Variants in GNA12 observed in about 807,000 individuals in gnomAD.
GNA12 encodes the protein guanine nucleotide-binding protein subunit alpha-12.
Under a neutral mutation model 26.0 loss-of-function variants are expected in GNA12, and 9 were observed. The observed-to-expected ratio is 0.35, with a 90% confidence interval of 0.21 to 0.60. The LOEUF is 0.60. GNA12 is among the 20% of genes least tolerant of loss of function. The probability of loss-of-function intolerance (pLI) is 0.78; values close to 1 mark genes in which losing one functional copy is unlikely to be tolerated. For missense variants in GNA12, 405 were observed against 525.8 expected, an observed-to-expected ratio of 0.77 and a Z score of 2.25; for synonymous variants, 264 against 219.6, an observed-to-expected ratio of 1.20 and a Z score of -1.79.
At chr7:2,834,841 G>C (rs912598677) in intron 1 of GNA12, among the ~76,000 whole-genome samples, 5 of 152,172 alleles carry the variant, frequency 3.3e-5, no homozygotes, top group Non-Finnish European at 7.3e-5. Flanking sequence ...TAGGTATACG[G>C]TCAGCTATAT....
intron 2 of GNA12, among the ~76,000 whole-genome samples, chr7:2,745,824 G>A (rs1161706550): frequency 6.6e-6 from 1 of 152,166 alleles, no homozygotes; most frequent in Non-Finnish European, 1.5e-5. Flanking sequence ...GATGCAGGAA[G>A]ATCTACCAAG....
intron 2 of GNA12, among the ~76,000 whole-genome samples, chr7:2,737,673 G>C (rs1378631832): frequency 6.6e-6 from 1 of 152,194 alleles, no homozygotes; most frequent in Non-Finnish European, 1.5e-5. Context: ...AACAGGGCTT[G>C]TTAATGGTGA....
chr7:2,807,067 GATCT>G (rs1792967609), intron 1 of GNA12, among the ~76,000 whole-genome samples: 1 of 151,896 alleles, frequency 6.6e-6, no homozygotes, highest in African/African-American at 2.4e-5. Context: ...TTTTTTAGTT[GATCT>G]ATTTGCTTCA....
Position 2,774,471 on chromosome 7 carries a change from G to A in GNA12, c.525+20457C>T, listed in dbSNP as rs191916816. ...CAGGCAGAAGGAACAGCAAGCACAA[G>A]GGCCCTGATGGCGCTGGGAGGCCCT... On this transcript the variant is annotated intron_variant, in intron 2 of 3. Transcript: ENST00000275364. 7.0e-3 allele frequency among the ~76,000 whole-genome samples: 1,066 copies of A among 152,300 alleles called. 2 individuals carry two copies. Among genetic ancestry groups the A allele is most frequent in the Non-Finnish European group, 0.012 (828 of 68,016 alleles).
At chr7:2,831,277 C>T (rs952609780) in intron 1 of GNA12, among the ~76,000 whole-genome samples, 1 of 151,936 alleles carries the variant, frequency 6.6e-6, no homozygotes, top group Admixed American at 6.6e-5. Context: ...GTTTTGCCTC[C>T]TGGTCCACAT....
chr7:2,777,640 G>A lies in GNA12; in HGVS notation c.525+17288C>T, dbSNP rs1270080498. Among the ~76,000 whole-genome samples the A allele has an allele frequency of 3.3e-5, 5 of 152,314 alleles. No individual in the cohort carries two copies. In the East Asian group the frequency reaches 9.7e-4, roughly 29 times the overall value. On this transcript the variant is annotated intron_variant, in intron 2 of 3. Coordinates refer to ENST00000275364, the MANE Select transcript of GNA12 (RefSeq NM_007353.3). ...CCACCATGTGAGGAAGCAGCAGGAA[G>A]GTGGCTGTCTGCAAGTCAGGAAGAG...
intron 2 of GNA12, among the ~76,000 whole-genome samples, chr7:2,754,389 G>A (rs911900534): frequency 6.6e-6 from 1 of 152,010 alleles, no homozygotes; most frequent in African/African-American, 2.4e-5. Flanking sequence ...GTCCTTTGTC[G>A]GATATGTAGT....
chr7:2,763,191 AACACACACACACACACAC>A (rs56384682), intron 2 of GNA12: 173 of 222,706 alleles, frequency 7.8e-4, no homozygotes, highest in Middle Eastern at 4.0e-3. Context: ...AAGACACCCC[AACACACACACACACACAC>A]ACACACACAC....
chr7:2,740,358 A>C (rs933880258), intron 2 of GNA12, among the ~76,000 whole-genome samples: 1 of 152,126 alleles, frequency 6.6e-6, no homozygotes, highest in Admixed American at 6.5e-5. Flanking sequence ...TAGTGCCTTC[A>C]TAAGAAGAGA....
At chr7:2,751,508 G>A (rs1336418325) in intron 2 of GNA12, among the ~76,000 whole-genome samples, 1 of 151,740 alleles carries the variant, frequency 6.6e-6, no homozygotes, top group Non-Finnish European at 1.5e-5. Flanking sequence ...AAGGTAAGCA[G>A]GAGAAAGAAA....
At chr7:2,764,035 G>A (rs1346330634) in intron 2 of GNA12, among the ~76,000 whole-genome samples, 1 of 152,082 alleles carries the variant, frequency 6.6e-6, no homozygotes, top group Non-Finnish European at 1.5e-5. Flanking sequence ...TCTTCCTAAG[G>A]CTGCTGTGCT....
intron 1 of GNA12, among the ~76,000 whole-genome samples, chr7:2,842,908 G>T (rs1583323360): frequency 6.6e-6 from 1 of 152,218 alleles, no homozygotes; most frequent in Non-Finnish European, 1.5e-5. Context: ...CAGGTGAATA[G>T]GATTGGCACA....
chr7:2,788,519 T>C (rs1388402441), intron 2 of GNA12, among the ~76,000 whole-genome samples: 1 of 152,198 alleles, frequency 6.6e-6, no homozygotes, highest in Non-Finnish European at 1.5e-5. Context: ...CTACATGTAA[T>C]TGACTGGCCA....
chr7:2,834,372 C>T (rs983298554), intron 1 of GNA12, among the ~76,000 whole-genome samples: 1 of 152,192 alleles, frequency 6.6e-6, no homozygotes, highest in Non-Finnish European at 1.5e-5. Flanking sequence ...CACTGGCCTC[C>T]TGCAACACCT....
intron 2 of GNA12, among the ~76,000 whole-genome samples, chr7:2,747,567 C>T (rs1164135103): frequency 6.6e-6 from 1 of 152,164 alleles, no homozygotes; most frequent in African/African-American, 2.4e-5. Context: ...CAATATCATA[C>T]TGAATGGGCA....
intron 2 of GNA12, among the ~76,000 whole-genome samples, chr7:2,742,468 G>C (rs753068015): frequency 6.6e-6 from 1 of 152,158 alleles, no homozygotes. Flanking sequence ...CTGTCAACAA[G>C]AGCCCTGCTC....
At chr7:2,759,680 C>T (rs576971091) in intron 2 of GNA12, among the ~76,000 whole-genome samples, 1 of 152,246 alleles carries the variant, frequency 6.6e-6, no homozygotes, top group East Asian at 1.9e-4. Flanking sequence ...CCTATTTTTT[C>T]AGACCCTCTT....
intron 1 of GNA12, among the ~76,000 whole-genome samples, chr7:2,825,393 C>T (rs1471271358): frequency 2.6e-5 from 4 of 152,114 alleles, no homozygotes; most frequent in South Asian, 4.2e-4. Context: ...GGAGAGAGGG[C>T]GGGAAGGGGC....
At chr7:2,743,084 G>A (rs1356107953) in intron 2 of GNA12, among the ~76,000 whole-genome samples, 2 of 152,220 alleles carry the variant, frequency 1.3e-5, no homozygotes, top group Non-Finnish European at 2.9e-5. Context: ...CTGCCAAGGG[G>A]TAAGGTGGGA....
Sources: gnomAD v4.1 joint callset for allele counts (sites outside exome capture counted in the v4.1 genomes callset) on GRCh38, gnomAD v4.1.1 for gene constraint, MANE v1.5 for transcripts, NCBI Gene and HGNC (gene_info 2026-07-23, HGNC 2026-07-21) for gene names.